BIRC6: variants seen among roughly 807,000 people sequenced by gnomAD.
BIRC6 encodes the protein baculoviral IAP repeat containing 6.
A neutral mutation model predicts 503.3 loss-of-function variants in BIRC6; 98 were observed. The observed-to-expected ratio is 0.19, with a 90% CI of 0.17 to 0.23. BIRC6 has a LOEUF of 0.23. Among genes scored for constraint, BIRC6 ranks in the 10% least tolerant of loss-of-function variants. BIRC6 has a pLI of 1.00. For synonymous variants in BIRC6, 2,240 were observed against 2,078.7 expected (o/e 1.08, Z -2.11); for missense variants, 5,360 against 5,806.0 (o/e 0.92, Z 2.50).
At chr2:32,381,711 A>G (rs895091692) in intron 3 of BIRC6, among the ~76,000 whole-genome samples, 2 of 151,744 alleles carry the variant, frequency 1.3e-5, no homozygotes, top group African/African-American at 2.4e-5. Context: ...ATGCCTGGCT[A>G]ATTTTTGTAT....
intron 61 of BIRC6, among the ~76,000 whole-genome samples, chr2:32,534,647 CTTGAA>C (rs1558994216): frequency 7.1e-6 from 1 of 140,370 alleles, no homozygotes. Context: ...AGGAGAATTG[CTTGAA>C]CCCAGGAGGC....
At chr2:32,405,862 C>T (rs2041151501) in intron 8 of BIRC6, among the ~76,000 whole-genome samples, 1 of 152,086 alleles carries the variant, frequency 6.6e-6, no homozygotes, top group Admixed American at 6.5e-5. Flanking sequence ...TTGCTGCTGT[C>T]TTTTATATTT....
chr2:32,403,017 A>C (rs1299623854), intron 8 of BIRC6, among the ~76,000 whole-genome samples: 1 of 152,210 alleles, frequency 6.6e-6, no homozygotes. Context: ...GAGTTGAGGT[A>C]ATCTCTACTT....
chr2:32,368,802 C>A (rs1217987439), intron 1 of BIRC6, among the ~76,000 whole-genome samples: 1 of 152,058 alleles, frequency 6.6e-6, no homozygotes, highest in Non-Finnish European at 1.5e-5. Flanking sequence ...CAGGTGTGTA[C>A]CACCATGCCC....
intron 55 of BIRC6, among the ~76,000 whole-genome samples, chr2:32,516,973 T>C (rs138089095): frequency 1.3e-5 from 2 of 152,266 alleles, no homozygotes; most frequent in African/African-American, 4.8e-5. Context: ...AGTCAAACTT[T>C]AGTAGTACCT....
intron 58 of BIRC6, 116 bp downstream of exon 58, chr2:32,525,135 A>T (rs2056148652): frequency 1.1e-6 from 1 of 945,920 alleles, no homozygotes; most frequent in Non-Finnish European, 1.5e-6. Context: ...CTGACTCGTA[A>T]TGATGTTTTA....
intron 61 of BIRC6, among the ~76,000 whole-genome samples, chr2:32,542,482 C>T (rs1395750156): frequency 6.6e-6 from 1 of 152,094 alleles, no homozygotes; most frequent in Admixed American, 6.5e-5. Context: ...AAGTTAGAAT[C>T]TATACTGATA....
At chr2:32,377,270 C>T (rs2036943767) in intron 1 of BIRC6, among the ~76,000 whole-genome samples, 2 of 147,384 alleles carry the variant, frequency 1.4e-5, no homozygotes, top group African/African-American at 5.0e-5. Context: ...ATATTTTATT[C>T]TACTTGAGAG....
intron 19 of BIRC6, 53 bp downstream of exon 19, chr2:32,442,508 G>T: frequency 6.6e-7 from 1 of 1,509,842 alleles, no homozygotes. Context: ...CTGCAATTTA[G>T]TGGGTGATAC....
intron 66 of BIRC6, among the ~76,000 whole-genome samples, chr2:32,591,972 A>G (rs534755565): frequency 6.6e-6 from 1 of 152,258 alleles, no homozygotes; most frequent in South Asian, 2.1e-4. Flanking sequence ...TGTTTGAGTT[A>G]CTCTACCAGA....
At chr2:32,509,055 A>AC (rs397812466) in intron 51 of BIRC6, among the ~76,000 whole-genome samples, 8 of 56 alleles carry the variant, frequency 0.14, no homozygotes, top group Non-Finnish European at 0.23. Context: ...GGTGAGAGTG[A>AC]ACTCTGTCTT....
At chr2:32,416,724 T>G (rs2042409491) in intron 10 of BIRC6, among the ~76,000 whole-genome samples, 3 of 152,180 alleles carry the variant, frequency 2.0e-5, no homozygotes, top group Admixed American at 2.0e-4. Flanking sequence ...CTATATAGAT[T>G]AAGATAGTGT....
chr2:32,374,615 GGCGC>G (rs2036469320), intron 1 of BIRC6, among the ~76,000 whole-genome samples: 2 of 151,920 alleles, frequency 1.3e-5, no homozygotes, highest in African/African-American at 4.8e-5. Context: ...TGGGACTACA[GGCGC>G]CCGCCACCAC....
rs1472928147 is a variant in BIRC6 at position 32,473,231 on chromosome 2, C to T, written c.6712C>T (p.His2238Tyr). The change falls in exon 33 of 74, where the codon CAT becomes TAT. Residue 2238 changes from histidine (H) to tyrosine (Y), a missense_variant. By Grantham distance (83) the His-to-Tyr change is moderately conservative. Around this residue, in one of 16 missense-constraint regions of BIRC6, gnomAD observed 2,299 missense variants for 2,267.2 expected, o/e 1.01. Transcript: ENST00000421745. ...AAAAATCAGAAAGCAGCTTGTTCAT[C>T]ATAAACAGGTAATTGTCAATATATT... The part of the protein sequence containing the change: ...SRKIRKQLVH[H>Y]KQQLNLLKAK... 3 of 1,536,566 alleles carry T rather than the reference C, an allele frequency of 2.0e-6. No homozygotes were observed. The highest frequency in any genetic ancestry group is 2.5e-5 in the South Asian group (2 of 80,574).
In BIRC6 at chr2:32,464,550, A is replaced by G. The variant is rs1310493222; in HGVS notation, c.4983A>G (p.Ala1661=). 6.3e-7 allele frequency: 1 copy of G among 1,598,546 alleles called. No homozygotes were observed. Among genetic ancestry groups the G allele is most frequent in the East Asian group, 2.3e-5 (1 of 44,428 alleles). ...CCAAGTTACATCAGACAACAGCTGC[A>G]GCAGCTGCAGCAGCATCAGCAGTAG... ...LEAKLHQTTA[A]AAAAASAVGP... Residue 1661 remains alanine (A), a synonymous_variant, in exon 25 of 74, where the codon GCA becomes GCG. Coordinates refer to ENST00000421745, the MANE Select transcript of BIRC6 (RefSeq NM_016252.4).
At chr2:32,472,082 G>C (rs2049170651) in intron 32 of BIRC6, among the ~76,000 whole-genome samples, 1 of 152,200 alleles carries the variant, frequency 6.6e-6, no homozygotes, top group Non-Finnish European at 1.5e-5. Flanking sequence ...CATTCATATT[G>C]AGAAAGTCTT....
intron 32 of BIRC6, 40 bp downstream of exon 32, chr2:32,471,164 TATA>T: frequency 6.5e-7 from 1 of 1,546,356 alleles, no homozygotes; most frequent in Non-Finnish European, 8.7e-7. Context: ...ATCAGAAGTT[TATA>T]ATAATATGTT....
At chr2:32,448,994 TTAATAGA>T in intron 22 of BIRC6, 66 bp downstream of exon 22, 2 of 1,463,444 alleles carry the variant, frequency 1.4e-6, no homozygotes, top group Non-Finnish European at 1.9e-6. Context: ...GCCATTTGAC[TTAATAGA>T]TTATAGTCAT....
At chr2:32,434,530 G>A (rs1051602990) in intron 13 of BIRC6, among the ~76,000 whole-genome samples, 3 of 151,996 alleles carry the variant, frequency 2.0e-5, no homozygotes, top group Admixed American at 6.6e-5. Context: ...AAAAAATTAC[G>A]ACAGTAAGAA....
Sources: gnomAD v4.1 joint callset for allele counts (sites outside exome capture counted in the v4.1 genomes callset) on GRCh38, gnomAD v4.1.1 for gene constraint, gnomAD v4.1.1 regional missense constraint, MANE v1.5 for transcripts, NCBI Gene and HGNC (gene_info 2026-07-23, HGNC 2026-07-21) for gene names.